Variants in BACE2 observed in about 807,000 individuals in gnomAD.
The protein encoded by BACE2 is 56 kDa aspartic-like protease.
A neutral mutation model predicts 46.2 loss-of-function variants in BACE2; 17 were observed. That is an observed-to-expected ratio of 0.37 (90% CI 0.25 to 0.55). The LOEUF (loss-of-function observed/expected upper bound fraction) is 0.55, where lower values mean the gene tolerates loss of function less well. Ranked by LOEUF, BACE2 falls within the 20% of genes least tolerant of loss-of-function variation. BACE2 has a pLI of 0.82. For synonymous variants in BACE2, 277 were observed against 295.9 expected (o/e 0.94, Z 0.66); for missense variants, 595 against 698.1 (o/e 0.85, Z 1.66).
intron 1 of BACE2, among the ~76,000 whole-genome samples, chr21:41,190,209 G>A (rs912320254): frequency 5.3e-5 from 8 of 152,024 alleles, no homozygotes; most frequent in Non-Finnish European, 8.8e-5. Context: ...TCCACCCCTC[G>A]TCAACTTGAA....
At chr21:41,253,481 A>G (rs568273882) in intron 7 of BACE2, among the ~76,000 whole-genome samples, 1 of 151,950 alleles carries the variant, frequency 6.6e-6, no homozygotes, top group African/African-American at 2.4e-5. Context: ...TGATGATTAC[A>G]TTTTGGCTAG....
At chr21:41,254,972 A>T (rs902031632) in intron 7 of BACE2, among the ~76,000 whole-genome samples, 4 of 152,222 alleles carry the variant, frequency 2.6e-5, no homozygotes, top group Non-Finnish European at 4.4e-5. Flanking sequence ...GACAGTGAGG[A>T]CTTGGCCTGA....
At chr21:41,242,497 GGAA>G (rs896423414) in intron 4 of BACE2, among the ~76,000 whole-genome samples, 2 of 152,220 alleles carry the variant, frequency 1.3e-5, no homozygotes, top group Non-Finnish European at 2.9e-5. Context: ...GTAGGGGACA[GGAA>G]GAATGCACTA....
chr21:41,174,392 C>T (rs902117410), intron 1 of BACE2, among the ~76,000 whole-genome samples: 2 of 151,990 alleles, frequency 1.3e-5, no homozygotes, highest in South Asian at 2.1e-4. Flanking sequence ...CTGCCCACCT[C>T]GGCCTCCCAA....
At chr21:41,246,833 G>A (rs1987483444) in intron 6 of BACE2, among the ~76,000 whole-genome samples, 1 of 152,162 alleles carries the variant, frequency 6.6e-6, no homozygotes, top group Non-Finnish European at 1.5e-5. Flanking sequence ...CCTGGCGAGG[G>A]GTTTTGTGCC....
intron 1 of BACE2, among the ~76,000 whole-genome samples, chr21:41,195,858 T>C (rs753067736): frequency 3.9e-5 from 6 of 152,226 alleles, no homozygotes; most frequent in Non-Finnish European, 5.9e-5. Context: ...GAAGTATAAC[T>C]TACATGGCTT....
intron 1 of BACE2, chr21:41,183,033 G>A (rs1294060025): frequency 1.2e-5 from 2 of 166,220 alleles, no homozygotes; most frequent in Non-Finnish European, 1.5e-5. Flanking sequence ...GGAAACCTAG[G>A]AAGGAAGAAG....
At chr21:41,242,444 C>G (rs1320910645) in intron 4 of BACE2, among the ~76,000 whole-genome samples, 3 of 152,074 alleles carry the variant, frequency 2.0e-5, no homozygotes, top group African/African-American at 7.2e-5. Context: ...GGTGCTGGAG[C>G]CTGAGCTTCC....
intron 1 of BACE2, among the ~76,000 whole-genome samples, chr21:41,201,350 C>G (rs1480407381): frequency 6.6e-6 from 1 of 152,202 alleles, no homozygotes; most frequent in Non-Finnish European, 1.5e-5. Flanking sequence ...AAGACACATC[C>G]CACTTGGGGC....
rs749601547 is a variant in BACE2, at chr21:41,257,269, T to C, written c.1246T>C (p.Tyr416His). 6.2e-7 allele frequency: 1 copy of C among 1,614,226 alleles called. No individual in the cohort carries two copies. The highest frequency in any genetic ancestry group is 1.1e-5 in the South Asian group (1 of 91,084). The change falls in exon 8 of 9, where the codon TAC (tyrosine) becomes CAC (histidine). Residue 416 changes from tyrosine (Y) to histidine (H), a missense_variant. Coordinates refer to ENST00000330333, the MANE Select transcript of BACE2 (RefSeq NM_012105.5). The part of the protein sequence containing the change: ...VIGATVMEGF[Y>H]VIFDRAQKRV... ...CGGTGCCACGGTGATGGAGGGCTTC[T>C]ACGTCATCTTCGACAGAGCCCAGAA...
intron 1 of BACE2, among the ~76,000 whole-genome samples, chr21:41,212,183 G>C (rs1332396209): frequency 6.6e-6 from 1 of 152,212 alleles, no homozygotes; most frequent in Non-Finnish European, 1.5e-5. Context: ...CAAGACCCAG[G>C]CACTGGCAGA....
Position 41,221,883 on chromosome 21 carries a change from T to C in BACE2, c.313-4383T>C, listed in dbSNP as rs569840304. 2.7e-5 allele frequency among the ~76,000 whole-genome samples: 4 copies of C among 150,770 alleles called. No individual in the cohort carries two copies. In the East Asian group the frequency reaches 7.8e-4, roughly 29 times the overall value. On this transcript the variant is annotated intron_variant, in intron 1 of 8. Transcript: ENST00000330333. ...GTGTCTACTGTGTGCCTGGCCCTGT[T>C]ACAGGCATGCACGGCAGACAGAGCA...
chr21:41,257,778 T>C (rs1987830837), intron 8 of BACE2, among the ~76,000 whole-genome samples: 1 of 152,204 alleles, frequency 6.6e-6, no homozygotes, highest in Non-Finnish European at 1.5e-5. Flanking sequence ...AAGGAGCCCC[T>C]GTTTCTCGTG....
intron 1 of BACE2, among the ~76,000 whole-genome samples, chr21:41,187,246 G>A (rs1361765811): frequency 1.3e-5 from 2 of 152,196 alleles, no homozygotes; most frequent in Non-Finnish European, 2.9e-5. Flanking sequence ...CCTGCCAACC[G>A]TGGGTGGAGG....
chr21:41,257,252 C>T lies in BACE2; in HGVS notation c.1229C>T (p.Thr410Met), dbSNP rs753171242. Reference protein sequence around the residue: ...PSTNALVIGATVMEGFYVIFD... With the variant: ...PSTNALVIGAMVMEGFYVIFD... The stretch of plus-strand genomic sequence containing the variant: ...ACAAATGCGCTGGTGATCGGTGCCA[C>T]GGTGATGGAGGGCTTCTACGTCATC... Residue 410 changes from threonine to methionine, a missense_variant, in exon 8 of 9, where the codon ACG (threonine) becomes ATG (methionine). Physicochemically the swap from Thr to Met is moderately conservative, Grantham distance 81. Transcript: ENST00000330333. 1.2e-6 allele frequency: 2 copies of T among 1,614,186 alleles called. No individual in the cohort carries two copies. Among genetic ancestry groups the T allele is most frequent in the East Asian group, 2.2e-5 (1 of 44,886 alleles).
intron 1 of BACE2, among the ~76,000 whole-genome samples, chr21:41,199,454 C>T (rs1985873894): frequency 6.6e-6 from 1 of 152,130 alleles, no homozygotes; most frequent in Admixed American, 6.5e-5. Context: ...GGGCTCTGCC[C>T]AGCACCTGGA....
intron 8 of BACE2, among the ~76,000 whole-genome samples, chr21:41,267,715 C>G (rs2123645548): frequency 6.6e-6 from 1 of 152,250 alleles, no homozygotes; most frequent in South Asian, 2.1e-4. Flanking sequence ...AGGTGTAGAT[C>G]AGGCTGCTCT....
intron 5 of BACE2, among the ~76,000 whole-genome samples, chr21:41,245,689 A>C (rs1309961721): frequency 6.6e-6 from 1 of 152,236 alleles, no homozygotes; most frequent in Non-Finnish European, 1.5e-5. Flanking sequence ...GTAAGGAAAG[A>C]GCTGTGCCTT....
chr21:41,258,956 T>A (rs1322076086), intron 8 of BACE2, among the ~76,000 whole-genome samples: 1 of 152,202 alleles, frequency 6.6e-6, no homozygotes, highest in East Asian at 1.9e-4. Context: ...ATCACTGAAT[T>A]TCCTAACTGT....
Sources: allele counts gnomAD v4.1 joint callset (sites outside exome capture counted in the v4.1 genomes callset), GRCh38; gene constraint gnomAD v4.1.1; transcripts MANE v1.5; gene names NCBI Gene and HGNC (gene_info 2026-07-23, HGNC 2026-07-21).